ADARB2: variants seen among roughly 807,000 people sequenced by gnomAD.
ADARB2 encodes the protein adenosine deaminase RNA specific B2 (inactive), also known as inactive double-stranded RNA-specific editase B2.
Under a neutral mutation model 62.2 loss-of-function variants are expected in ADARB2, and 25 were observed. That is an observed-to-expected ratio of 0.40 (90% CI 0.29 to 0.56). The LOEUF (loss-of-function observed/expected upper bound fraction) is 0.56. Among genes scored for constraint, ADARB2 ranks in the 20% least tolerant of loss-of-function variants. The pLI is 0.43. For synonymous variants in ADARB2, 572 were observed against 500.8 expected (o/e 1.14, Z -1.90); for missense variants, 1,071 against 1,077.4 (o/e 0.99, Z 0.08).
chr10:1,691,220 C>T (rs1834668051), intron 1 of ADARB2, among the ~76,000 whole-genome samples: 1 of 152,144 alleles, frequency 6.6e-6, no homozygotes, highest in African/African-American at 2.4e-5. Context: ...AGGGATGATC[C>T]TGTGAGGACA....
At chr10:1,254,292 G>A (rs1831061899) in intron 4 of ADARB2, among the ~76,000 whole-genome samples, 2 of 152,212 alleles carry the variant, frequency 1.3e-5, no homozygotes, top group African/African-American at 2.4e-5. Flanking sequence ...AGGGCCTCCT[G>A]TTGTATGGGT....
intron 1 of ADARB2, among the ~76,000 whole-genome samples, chr10:1,663,688 C>T (rs1834279211): frequency 6.6e-6 from 1 of 151,716 alleles, no homozygotes; most frequent in Non-Finnish European, 1.5e-5. Context: ...GACGTGATCT[C>T]GGCTCACTGC....
At chr10:1,393,241 A>G (rs961928362) in intron 1 of ADARB2, among the ~76,000 whole-genome samples, 1 of 152,190 alleles carries the variant, frequency 6.6e-6, no homozygotes, top group African/African-American at 2.4e-5. Flanking sequence ...TTGTGGGTAC[A>G]TAGTAGGTGC....
chr10:1,332,340 C>T (rs1021129092), intron 3 of ADARB2, among the ~76,000 whole-genome samples: 4 of 151,210 alleles, frequency 2.6e-5, no homozygotes, highest in African/African-American at 7.3e-5. Flanking sequence ...TGCTTGAGCC[C>T]GGGAGGTTGA....
At chr10:1,475,489 G>A (rs1222131896) in intron 1 of ADARB2, among the ~76,000 whole-genome samples, 1 of 152,220 alleles carries the variant, frequency 6.6e-6, no homozygotes, top group Non-Finnish European at 1.5e-5. Context: ...GGGGCCTGGA[G>A]TCTCCAGAGT....
At chr10:1,331,727 T>C (rs1050730542) in intron 3 of ADARB2, among the ~76,000 whole-genome samples, 1 of 152,248 alleles carries the variant, frequency 6.6e-6, no homozygotes, top group Non-Finnish European at 1.5e-5. Flanking sequence ...TTTTATGGTA[T>C]CTGATTTATA....
chr10:1,555,606 A>G (rs941021682), intron 1 of ADARB2, among the ~76,000 whole-genome samples: 3 of 152,124 alleles, frequency 2.0e-5, no homozygotes, highest in African/African-American at 7.2e-5. Context: ...TGTGTCAGGT[A>G]TGCGAGACTA....
intron 1 of ADARB2, among the ~76,000 whole-genome samples, chr10:1,655,019 G>A (rs1834156748): frequency 6.6e-6 from 1 of 152,228 alleles, no homozygotes; most frequent in South Asian, 2.1e-4. Flanking sequence ...GTGAGGACGC[G>A]GTCGGGAGGA....
At chr10:1,498,842 T>C (rs560559438) in intron 1 of ADARB2, among the ~76,000 whole-genome samples, 1 of 151,852 alleles carries the variant, frequency 6.6e-6, no homozygotes, top group East Asian at 1.9e-4. Flanking sequence ...TCACTCATTA[T>C]TCACCTCTTA....
intron 1 of ADARB2, among the ~76,000 whole-genome samples, chr10:1,617,071 G>C (rs12411889): frequency 1.4e-5 from 2 of 141,244 alleles, no homozygotes; most frequent in East Asian, 2.3e-4. Flanking sequence ...TGACCTCAGA[G>C]GGTTACATTC....
intron 2 of ADARB2, among the ~76,000 whole-genome samples, chr10:1,369,539 C>A (rs1190472322): frequency 1.3e-5 from 2 of 152,212 alleles, no homozygotes; most frequent in African/African-American, 4.8e-5. Flanking sequence ...GCGGCTGTTA[C>A]CCACACAAAA....
intron 1 of ADARB2, among the ~76,000 whole-genome samples, chr10:1,550,268 C>T (rs1031779785): frequency 3.3e-5 from 5 of 152,188 alleles, no homozygotes; most frequent in Non-Finnish European, 7.4e-5. Flanking sequence ...TTAAGCACCT[C>T]CTTGTTGCTT....
At chr10:1,191,082 G>A (rs1346968051) in intron 8 of ADARB2, among the ~76,000 whole-genome samples, 2 of 151,972 alleles carry the variant, frequency 1.3e-5, no homozygotes, top group East Asian at 3.9e-4. Context: ...ATGGGGGTTT[G>A]CACGCTCTGG....
chr10:1,226,371 A>T (rs369923552), intron 6 of ADARB2, among the ~76,000 whole-genome samples: 15 of 152,170 alleles, frequency 9.9e-5, no homozygotes, highest in African/African-American at 3.6e-4. Flanking sequence ...CCTGTAGCTC[A>T]GAGTAGTTTG....
At chr10:1,407,319 C>T (rs1385543113) in intron 1 of ADARB2, among the ~76,000 whole-genome samples, 1 of 152,194 alleles carries the variant, frequency 6.6e-6, no homozygotes. Context: ...CTACAAGTGC[C>T]ATTGGAAGGG....
At chr10:1,669,406 A>G (rs1834352571) in intron 1 of ADARB2, among the ~76,000 whole-genome samples, 1 of 152,168 alleles carries the variant, frequency 6.6e-6, no homozygotes, top group Non-Finnish European at 1.5e-5. Flanking sequence ...CACATAACAC[A>G]TAGAGACACA....
At chr10:1,349,347 C>T (rs1832112233) in intron 3 of ADARB2, among the ~76,000 whole-genome samples, 1 of 152,130 alleles carries the variant, frequency 6.6e-6, no homozygotes, top group Non-Finnish European at 1.5e-5. Flanking sequence ...AGCCCGCCTG[C>T]AACCAGGTGA....
intron 3 of ADARB2, among the ~76,000 whole-genome samples, chr10:1,294,414 T>C (rs537200897): frequency 7.9e-5 from 12 of 152,242 alleles, no homozygotes; most frequent in African/African-American, 2.4e-4. Context: ...GAATTCCTCA[T>C]TTCTGTCAGC....
intron 3 of ADARB2, among the ~76,000 whole-genome samples, chr10:1,279,150 T>C (rs995851650): frequency 1.3e-5 from 2 of 152,240 alleles, no homozygotes; most frequent in Non-Finnish European, 2.9e-5. Flanking sequence ...TTAATGGTTC[T>C]GAAAGCTGAA....
Sources: allele counts gnomAD v4.1 joint callset (sites outside exome capture counted in the v4.1 genomes callset), GRCh38; gene constraint gnomAD v4.1.1; transcripts MANE v1.5; gene names NCBI Gene and HGNC (gene_info 2026-07-23, HGNC 2026-07-21).